Variants in SYNPO observed in about 807,000 individuals in gnomAD.
The protein encoded by SYNPO is synaptopodin.
Under a neutral mutation model 49.5 loss-of-function variants are expected in SYNPO, and 19 were observed. The observed-to-expected ratio is 0.38, with a 90% CI of 0.27 to 0.56. The LOEUF (loss-of-function observed/expected upper bound fraction) is 0.56. SYNPO is among the 20% of genes least tolerant of loss of function. The probability of loss-of-function intolerance (pLI) is 0.68; values close to 1 mark genes in which losing one functional copy is unlikely to be tolerated. For missense variants in SYNPO, 1,131 were observed against 1,248.3 expected, an observed-to-expected ratio of 0.91 and a Z score of 1.42; for synonymous variants, 536 against 548.0, an observed-to-expected ratio of 0.98 and a Z score of 0.31.
At position 150,650,322 on chromosome 5, in the gene SYNPO, T is replaced by G; in HGVS notation, c.2028+19T>G. On this transcript the variant is annotated intron_variant, in intron 2 of 2. Transcript: ENST00000307662. ...GGCTCAGGTGTGGAAGCCTTCCTTC[T>G]GCTTCAAGTAACGAACCCCACGGGG... The G allele has an allele frequency of 6.2e-7, 1 of 1,614,040 alleles. No homozygotes were observed. Among genetic ancestry groups the G allele is most frequent in the South Asian group, 1.1e-5 (1 of 91,088 alleles).
Position 150,656,750 on chromosome 5 carries a change from C to CGCCCCT in SYNPO, c.2380_2381insTGCCCC (p.Pro793_Pro794insLeuPro). 16 of 1,167,752 alleles carry CGCCCCT rather than the reference C, an allele frequency of 1.4e-5. 1 individual carries two copies. In the Admixed American group the frequency reaches 1.9e-4, roughly 14 times the overall value. The allele number at this position is 1,167,752 out of a possible 1,614,324, so 72.3% of individuals were successfully genotyped here. A position where few individuals can be genotyped will look rare whatever the true frequency, so the allele number is the denominator to read the frequency against. On this transcript the variant is annotated inframe_insertion, in exon 3 of 3. Coordinates refer to ENST00000307662, the MANE Select transcript of SYNPO (RefSeq NM_007286.6). The stretch of plus-strand genomic sequence containing the variant: ...TCCCCGCCGAGGGCGCCACCGCCCC[C>CGCCCCT]GCCCCCGCCCCCGCCCCCGCCCCCG...
chr5:150,633,857 C>G (rs1386448787), intron 2 of SYNPO, among the ~76,000 whole-genome samples: 3 of 152,102 alleles, frequency 2.0e-5, no homozygotes, highest in East Asian at 3.8e-4. Flanking sequence ...TGCGGTGGCT[C>G]ATTCCTATAA....
chr5:150,643,991 A>T (rs1758001834), intron 1 of SYNPO, among the ~76,000 whole-genome samples: 1 of 151,858 alleles, frequency 6.6e-6, no homozygotes, highest in Non-Finnish European at 1.5e-5. Flanking sequence ...CCTGGGCAAC[A>T]TAGTGAAATC....
chr5:150,635,121 G>A (rs1265513226), intron 2 of SYNPO, among the ~76,000 whole-genome samples: 1 of 152,200 alleles, frequency 6.6e-6, no homozygotes, highest in African/African-American at 2.4e-5. Flanking sequence ...AAACACATAC[G>A]TCCCACAAGG....
In SYNPO at chr5:150,656,477, G is replaced by T. The variant is rs987635212; in HGVS notation, c.2102G>T (p.Gly701Val). Reference sequence around the variant, plus strand: ...TCCCGGCCCCCCAGCAGCCTAGACGGCTGGGTGAGCCCGGGCCCGTGGGAG... The same window carrying T: ...TCCCGGCCCCCCAGCAGCCTAGACGTCTGGGTGAGCCCGGGCCCGTGGGAG... The part of the protein sequence containing the change: ...GASRPPSSLD[G>V]WVSPGPWEPG... Residue 701 changes from glycine (G) to valine (V), a missense_variant, in exon 3 of 3, where the codon GGC becomes GTC. By Grantham distance (109) the Gly-to-Val change is moderately radical (BLOSUM62 -3). Transcript: ENST00000307662. 30 of 1,532,454 alleles carry T rather than the reference G, an allele frequency of 2.0e-5. No homozygotes were observed. Among genetic ancestry groups the T allele is most frequent in the Non-Finnish European group, 2.6e-5 (30 of 1,145,512 alleles). 94.9% of individuals were successfully genotyped at this position (1,532,454 alleles called of 1,614,324 possible). A position where few individuals can be genotyped will look rare whatever the true frequency, so the allele number is the denominator to read the frequency against.
chr5:150,605,149 C>T (rs1756655945), intron 1 of SYNPO, among the ~76,000 whole-genome samples: 2 of 152,184 alleles, frequency 1.3e-5, no homozygotes, highest in South Asian at 4.1e-4. Context: ...CCTCAAATTG[C>T]TCCCCTCTGA....
exon 2 of SYNPO, chr5:150,618,620 A>G (rs1385309841): frequency 1.4e-5 from 21 of 1,551,368 alleles, no homozygotes; most frequent in Non-Finnish European, 1.7e-5. Flanking sequence ...AGCCCTGGGC[A>G]TCCAACCACC....
Position 150,656,393 on chromosome 5 carries a change from T to C in SYNPO, c.2029-11T>C. The C allele has an allele frequency of 6.6e-7, 1 of 1,525,260 alleles. No homozygotes were observed. The highest frequency in any genetic ancestry group is 8.8e-7 in the Non-Finnish European group (1 of 1,141,934). The allele number at this position is 1,525,260 out of a possible 1,614,324, so 94.5% of individuals were successfully genotyped here. Reference sequence around the variant, plus strand: ...CTAATGCCTGCCCCACCCTCTCTGCTCTCTCCCCAGGACCGCCGGGAGAGC... The same window carrying C: ...CTAATGCCTGCCCCACCCTCTCTGCCCTCTCCCCAGGACCGCCGGGAGAGC... On this transcript the variant is annotated splice_polypyrimidine_tract_variant and intron_variant, in intron 2 of 2. Coordinates refer to ENST00000307662, the MANE Select transcript of SYNPO (RefSeq NM_007286.6).
upstream of SYNPO, among the ~76,000 whole-genome samples, chr5:150,638,230 T>C (rs570163631): frequency 6.6e-6 from 1 of 152,258 alleles, no homozygotes; most frequent in African/African-American, 2.4e-5. Flanking sequence ...ACTTCCTGGA[T>C]TGCTTCATCC....
rs150686584 is a variant in SYNPO at position 150,649,199 on chromosome 5, G to C, written c.924G>C (p.Glu308Asp). Reference protein sequence around the residue: ...RMMGQRSPASERRPLGNFTAP... With the variant: ...RMMGQRSPASDRRPLGNFTAP... ...TGGGGCAGCGAAGCCCGGCCTCAGA[G>C]AGACGCCCCTTGGGGAACTTCACTG... is the stretch of plus-strand genomic sequence containing the variant. The change falls in exon 2 of 3, where the codon GAG becomes GAC. Residue 308 changes from glutamate to aspartate, a missense_variant. Coordinates refer to ENST00000307662, the MANE Select transcript of SYNPO (RefSeq NM_007286.6). 6.2e-7 allele frequency: 1 copy of C among 1,614,132 alleles called. No homozygotes were observed. Among genetic ancestry groups the C allele is most frequent in the South Asian group, 1.1e-5 (1 of 91,080 alleles).
chr5:150,649,645 A>G lies in SYNPO; in HGVS notation c.1370A>G (p.Lys457Arg). Reference sequence around the variant, plus strand: ...GTACCAGAGTGGGCCTCCTGCCTCAAGTCACCCCGCATCCAGGCCAAGCCG... The same window carrying G: ...GTACCAGAGTGGGCCTCCTGCCTCAGGTCACCCCGCATCCAGGCCAAGCCG... ...EVVPEWASCL[K>R]SPRIQAKPKP... The change falls in exon 2 of 3, where the codon AAG becomes AGG. Residue 457 changes from lysine to arginine, a missense_variant. Physicochemically the swap from Lys to Arg is conservative, Grantham distance 26 (BLOSUM62 2). Around this residue, in one of 4 missense-constraint regions of SYNPO, gnomAD observed 602 missense variants for 720.7 expected, o/e 0.84. Coordinates refer to ENST00000307662, the MANE Select transcript of SYNPO (RefSeq NM_007286.6). 6.2e-7 allele frequency: 1 copy of G among 1,609,154 alleles called. No individual in the cohort carries two copies. Among genetic ancestry groups the G allele is most frequent in the Non-Finnish European group, 8.5e-7 (1 of 1,179,852 alleles).
At chr5:150,613,859 C>T (rs1205331192) in intron 1 of SYNPO, among the ~76,000 whole-genome samples, 1 of 152,222 alleles carries the variant, frequency 6.6e-6, no homozygotes, top group Non-Finnish European at 1.5e-5. Flanking sequence ...AATGCACCTA[C>T]TTAAGCCCTA....
chr5:150,600,603 G>T (rs894571842), upstream of SYNPO, among the ~76,000 whole-genome samples: 4 of 152,140 alleles, frequency 2.6e-5, no homozygotes, highest in African/African-American at 4.8e-5. Context: ...TGGCTGGGGG[G>T]TTAAGGGATC....
At chr5:150,640,282 T>C, upstream of SYNPO, 2 of 612,722 alleles carry the variant, frequency 3.3e-6, no homozygotes, top group Non-Finnish European at 4.1e-6. Context: ...GATTAGGGCA[T>C]GTAGAAAGGA....
At chr5:150,586,333 C>T in the SYNPO span, among the ~76,000 whole-genome samples, 10,188 of 152,260 alleles carry the variant, frequency 0.067, 1,112 homozygotes, top group African/African-American at 0.23. Flanking sequence ...GAACACAGCC[C>T]GTGGGCTCAC....
At chr5:150,641,689 A>G (rs1012931150) in intron 1 of SYNPO, among the ~76,000 whole-genome samples, 3 of 152,240 alleles carry the variant, frequency 2.0e-5, no homozygotes, top group African/African-American at 4.8e-5. Context: ...CTGACTCCCA[A>G]CATAGTGATC....
chr5:150,656,999 T>G lies in SYNPO; in HGVS notation c.2624T>G (p.Leu875Arg). 1 of 1,602,032 alleles carries G rather than the reference T, an allele frequency of 6.2e-7. No homozygotes were observed. The highest frequency in any genetic ancestry group is 8.5e-7 in the Non-Finnish European group (1 of 1,175,222). The change falls in exon 3 of 3, where the codon CTG (leucine) becomes CGG (arginine). Residue 875 changes from leucine to arginine, a missense_variant. Leu to Arg is a moderately radical substitution (Grantham distance 102). Transcript: ENST00000307662. The part of the protein sequence containing the change: ...EDSGAKSPGI[L>R]GYNICPRGWN... ...TCCGGGGCTAAGTCTCCAGGCATCC[T>G]GGGCTACAATATCTGTCCCCGCGGG...
At chr5:150,595,891 G>C in the SYNPO span, among the ~76,000 whole-genome samples, 1 of 147,212 alleles carries the variant, frequency 6.8e-6, no homozygotes, top group Non-Finnish European at 1.5e-5. Context: ...CTTCCCGTAA[G>C]TCGGCCCAAC....
At chr5:150,606,364 G>C (rs1212241670) in intron 1 of SYNPO, among the ~76,000 whole-genome samples, 1 of 152,196 alleles carries the variant, frequency 6.6e-6, no homozygotes, top group Non-Finnish European at 1.5e-5. Flanking sequence ...CCACTGTCAG[G>C]CTCTGTTCTA....
Sources: allele counts gnomAD v4.1 joint callset (sites outside exome capture counted in the v4.1 genomes callset), GRCh38; gene constraint gnomAD v4.1.1; regional missense constraint gnomAD v4.1.1; transcripts MANE v1.5; gene names NCBI Gene and HGNC (gene_info 2026-07-23, HGNC 2026-07-21).